Variants in SERINC2 observed in about 807,000 individuals in gnomAD.
SERINC2 encodes the protein tumor differentially expressed protein 2.
SERINC2 carries 56 observed loss-of-function variants against 54.2 expected under a neutral mutation model. The observed-to-expected ratio is 1.03, with a 90% confidence interval of 0.83 to 1.29. The LOEUF is 1.29. SERINC2 is among the 50% of genes most tolerant of loss of function. The pLI is 0.00. For synonymous variants in SERINC2, 272 were observed against 253.1 expected, an observed-to-expected ratio of 1.07 and a Z score of -0.71; for missense variants, 614 against 607.4, an observed-to-expected ratio of 1.01 and a Z score of -0.12.
intron 1 of SERINC2, among the ~76,000 whole-genome samples, chr1:31,419,870 A>T (rs1339505372): frequency 2.0e-5 from 3 of 146,432 alleles, no homozygotes; most frequent in Non-Finnish European, 4.5e-5. Flanking sequence ...TTAGCTGGGC[A>T]TTGTGGCTGG....
intron 1 of SERINC2, among the ~76,000 whole-genome samples, chr1:31,415,161 A>G (rs948424209): frequency 6.6e-6 from 1 of 152,220 alleles, no homozygotes; most frequent in Non-Finnish European, 1.5e-5. Flanking sequence ...GAAGAACTGC[A>G]TAGTTAGGAT....
In SERINC2 at chr1:31,426,494, TCA is replaced by T. The variant is rs1403596414; in HGVS notation, c.611-157_611-156del. Among the ~76,000 whole-genome samples, 8 of 152,134 alleles carry T rather than the reference TCA, an allele frequency of 5.3e-5. No individual in the cohort carries two copies. The East Asian group carries it at 1.4e-3, about 26-fold the overall frequency. On this transcript the variant is annotated intron_variant, in intron 5 of 9. Transcript: ENST00000373709. ...TGTTAGCTCAGGGTGGGGCAATGAC[TCA>T]CAAAGGTGTTGGTGAAAGGCAGTGA...
At chr1:31,425,467 T>C in intron 4 of SERINC2, 58 bp downstream of exon 4, 1 of 1,290,312 alleles carries the variant, frequency 7.8e-7, no homozygotes, top group Non-Finnish European at 1.1e-6. Context: ...GGGCGGCAGG[T>C]TGGAGGAACG....
intron 3 of SERINC2, 21 bp from the exon 4 acceptor site, chr1:31,425,309 A>T: frequency 6.3e-7 from 1 of 1,588,512 alleles, no homozygotes; most frequent in Non-Finnish European, 8.6e-7. Context: ...TTCCTTGTCC[A>T]TTCCCCGACC....
In SERINC2 at chr1:31,429,051, C is replaced by T; in HGVS notation, c.854C>T (p.Ala285Val). Reference protein sequence around the residue: ...TLYTMFVTWSALSSIPEQKCN... With the variant: ...TLYTMFVTWSVLSSIPEQKCN... ...TACACCATGTTTGTCACCTGGTCAG[C>T]CCTATCCAGTATCCCTGGTAAGTAT... Residue 285 changes from alanine to valine, a missense_variant, in exon 7 of 10, where the codon GCC (alanine) becomes GTC (valine). Transcript: ENST00000373709. 1 of 1,613,652 alleles carries T rather than the reference C, an allele frequency of 6.2e-7. No homozygotes were observed.
Position 31,423,855 on chromosome 1 carries a change from G to A in SERINC2, c.201+1G>A. 6.2e-7 allele frequency: 1 copy of A among 1,613,672 alleles called. No individual in the cohort carries two copies. Among genetic ancestry groups the A allele is most frequent in the Non-Finnish European group, 8.5e-7 (1 of 1,179,788 alleles). On this transcript the variant is annotated splice_donor_variant, in intron 2 of 9. Coordinates refer to ENST00000373709, the MANE Select transcript of SERINC2 (RefSeq NM_178865.5). LOFTEE classifies it high-confidence loss of function. ...GGGCGTGGAGAGTCAGCTCTACAAGGTGAGTGCCCCAGGGGAGGCAGGGCG... is the reference window on the plus strand; with the variant it reads ...GGGCGTGGAGAGTCAGCTCTACAAGATGAGTGCCCCAGGGGAGGCAGGGCG...
Position 31,432,138 on chromosome 1 carries a change from C to CAGGGTGGAGAGGGTGGAGAGGGTGGAG in SERINC2, c.1014-821_1014-820insGAGGGTGGAGAGGGTGGAGAGGGTGGA. Among the ~76,000 whole-genome samples the CAGGGTGGAGAGGGTGGAGAGGGTGGAG allele has an allele frequency of 5.4e-4, 3 of 5,514 alleles. 1 individual carries two copies. Among genetic ancestry groups the CAGGGTGGAGAGGGTGGAGAGGGTGGAG allele is most frequent in the Admixed American group, 4.0e-3 (2 of 500 alleles). The allele number at this position is 5,514 out of a possible 152,430, so 3.6% of individuals were successfully genotyped here. ...GGGTGGTTAGGGTGGATAGGGTGGA[C>CAGGGTGGAGAGGGTGGAGAGGGTGGAG]AGGGTGGACAGGGTGGACAGGGTGG... On this transcript the variant is annotated intron_variant, in intron 8 of 9. Coordinates refer to ENST00000373709, the MANE Select transcript of SERINC2 (RefSeq NM_178865.5).
At chr1:31,426,508 G>A (rs1641045357) in intron 5 of SERINC2, 146 bp from the exon 6 acceptor site, 3 of 614,698 alleles carry the variant, frequency 4.9e-6, no homozygotes, top group African/African-American at 1.9e-5. Context: ...AAAGGTGTTG[G>A]TGAAAGGCAG....
In SERINC2 at chr1:31,413,830, G is replaced by T; in HGVS notation, c.39+526G>T. The T allele has an allele frequency of 7.1e-7, 1 of 1,408,522 alleles. No homozygotes were observed. Among genetic ancestry groups the T allele is most frequent in the Non-Finnish European group, 9.2e-7 (1 of 1,088,022 alleles). 87.3% of individuals were successfully genotyped at this position (1,408,522 alleles called of 1,614,324 possible). A position where few individuals can be genotyped will look rare whatever the true frequency, so the allele number is the denominator to read the frequency against. On this transcript the variant is annotated intron_variant, in intron 1 of 9. Transcript: ENST00000373709. The surrounding 1 kb of genome is among the most constrained non-coding windows in gnomAD (Gnocchi z 5.0). ...GTCCGTTCGTATTTGTCTGGTTCCT[G>T]TCTGTGTCCGTCGTTCGTCCGACTG... is the stretch of plus-strand genomic sequence containing the variant.
Position 31,425,408 on chromosome 1 carries a change from C to G in SERINC2, c.471C>G (p.Asn157Lys), listed in dbSNP as rs782610751. The G allele has an allele frequency of 6.2e-7, 1 of 1,606,004 alleles. No homozygotes were observed. Among genetic ancestry groups the G allele is most frequent in the Non-Finnish European group, 8.5e-7 (1 of 1,172,450 alleles). ...AFYIPDGSFT[N>K]IWFYFGVVGS... ...ACATTCCTGACGGCTCCTTCACCAA[C>G]AGTAGGCGGACTTGGCAGGAGGCAT... is the stretch of plus-strand genomic sequence containing the variant. Residue 157 changes from asparagine to lysine, a missense_variant and splice_region_variant, in exon 4 of 10, where the codon AAC becomes AAG. By Grantham distance (94) the Asn-to-Lys change is moderately conservative. Coordinates refer to ENST00000373709, the MANE Select transcript of SERINC2 (RefSeq NM_178865.5).
chr1:31,412,338 T>C (rs1295141777), upstream of SERINC2, among the ~76,000 whole-genome samples: 2 of 152,110 alleles, frequency 1.3e-5, no homozygotes, highest in Non-Finnish European at 2.9e-5. Flanking sequence ...CTCCCCACCT[T>C]CTGACCTCCT....
chr1:31,429,785 G>A (rs1641146718), intron 8 of SERINC2, among the ~76,000 whole-genome samples: 1 of 152,182 alleles, frequency 6.6e-6, no homozygotes, highest in African/African-American at 2.4e-5. Context: ...CAGTTCAGTT[G>A]GGTGCAGACG....
rs782421154 is a variant in SERINC2, at chr1:31,429,086, C to G, written c.871+18C>G. ...TATCCCTGGTAAGTATGGGCCCAGG[C>G]TCAAGGAGGCCTGGCCTCGTTCCTG... On this transcript the variant is annotated intron_variant, in intron 7 of 9. Coordinates refer to ENST00000373709, the MANE Select transcript of SERINC2 (RefSeq NM_178865.5). 6.2e-7 allele frequency: 1 copy of G among 1,600,944 alleles called. No individual in the cohort carries two copies. The highest frequency in any genetic ancestry group is 8.6e-7 in the Non-Finnish European group (1 of 1,168,026).
At chr1:31,410,353 C>G (rs1640627222), upstream of SERINC2, 1 of 1,547,852 alleles carries the variant, frequency 6.5e-7, no homozygotes, top group East Asian at 2.4e-5. Flanking sequence ...CCTCAGATAG[C>G]TGGGGTAAAA....
chr1:31,432,219 G>C lies in SERINC2; in HGVS notation c.1014-748G>C, dbSNP rs370992113. The stretch of plus-strand genomic sequence containing the variant: ...GAGTGGAGAGAGTGGACAGGGTGGA[G>C]AGGGTGGATAGGGACCCACTGACTC... On this transcript the variant is annotated intron_variant, in intron 8 of 9. Coordinates refer to ENST00000373709, the MANE Select transcript of SERINC2 (RefSeq NM_178865.5). Among the ~76,000 whole-genome samples the C allele has an allele frequency of 5.1e-3, 698 of 136,586 alleles. 17 individuals are homozygous for C. The highest frequency in any genetic ancestry group is 7.3e-3 in the Admixed American group (91 of 12,538). 89.6% of individuals were successfully genotyped at this position (136,586 alleles called of 152,430 possible). A position where few individuals can be genotyped will look rare whatever the true frequency, so the allele number is the denominator to read the frequency against.
chr1:31,422,450 C>T (rs1442596122), intron 1 of SERINC2, among the ~76,000 whole-genome samples: 4 of 152,168 alleles, frequency 2.6e-5, no homozygotes, highest in Admixed American at 2.6e-4. Flanking sequence ...CAGGTGTGAG[C>T]CACTGCACCT....
At chr1:31,433,252 CG>C (rs113664327) in intron 9 of SERINC2, 67 bp downstream of exon 9, 4 of 1,360,894 alleles carry the variant, frequency 2.9e-6, no homozygotes, top group African/African-American at 1.4e-5. Flanking sequence ...ATCTCTCCTG[CG>C]GCCCTTCACT....
chr1:31,434,349 C>G lies in SERINC2; in HGVS notation c.*150C>G, dbSNP rs1239318243. On this transcript the variant is annotated 3_prime_UTR_variant, in exon 10 of 10. Transcript: ENST00000373709. ...AGGACCTGCCCCTGAGCCGGGCCTT[C>G]TAGTCGTAGTGCCTTCAGGGTCCGA... 1 of 767,406 alleles carries G rather than the reference C, an allele frequency of 1.3e-6. No individual in the cohort carries two copies. The highest frequency in any genetic ancestry group is 2.1e-6 in the Non-Finnish European group (1 of 478,716). The allele number at this position is 767,406 out of a possible 1,614,324, so 47.5% of individuals were successfully genotyped here. A position where few individuals can be genotyped will look rare whatever the true frequency, so the allele number is the denominator to read the frequency against.
chr1:31,429,304 C>G lies in SERINC2; in HGVS notation c.872-93C>G, dbSNP rs141128843. The G allele has an allele frequency of 1.6e-4, 227 of 1,461,294 alleles. 2 individuals are homozygous for G. The East Asian group carries it at 4.6e-3, about 29-fold the overall frequency. The allele number at this position is 1,461,294 out of a possible 1,614,324, so 90.5% of individuals were successfully genotyped here. On this transcript the variant is annotated intron_variant, in intron 7 of 9. Coordinates refer to ENST00000373709, the MANE Select transcript of SERINC2 (RefSeq NM_178865.5). Reference sequence around the variant, plus strand: ...AGTGGTTGGCTGTGTATCTGTCTGTCTATTAGGGGTGGCTCTCTAGCCATC... The same window carrying G: ...AGTGGTTGGCTGTGTATCTGTCTGTGTATTAGGGGTGGCTCTCTAGCCATC...
Sources: allele counts gnomAD v4.1 joint callset (sites outside exome capture counted in the v4.1 genomes callset), GRCh38; gene constraint gnomAD v4.1.1; non-coding constraint Gnocchi (gnomAD v3.1); transcripts MANE v1.5; gene names NCBI Gene and HGNC (gene_info 2026-07-23, HGNC 2026-07-21).